PLAUR: variants seen among roughly 807,000 people sequenced by gnomAD.
PLAUR encodes urokinase plasminogen activator surface receptor.
PLAUR carries 22 observed loss-of-function variants against 33.4 expected under a neutral mutation model. That is an observed-to-expected ratio of 0.66 (90% CI 0.47 to 0.94). The LOEUF (loss-of-function observed/expected upper bound fraction) is 0.94. Ranked by LOEUF, PLAUR falls within the 40% of genes least tolerant of loss-of-function variation. The pLI is 0.00. For synonymous variants in PLAUR, 148 were observed against 167.3 expected (o/e 0.88, Z 0.89); for missense variants, 408 against 434.7 (o/e 0.94, Z 0.55).
chr19:43,667,768 A>C, intron 1 of PLAUR, 77 bp from the exon 2 acceptor site: 2 of 1,554,470 alleles, frequency 1.3e-6, no homozygotes. Flanking sequence ...TGCATGTCCC[A>C]ATACCAACAC....
At chr19:43,658,724 A>G (rs1233266317) in intron 3 of PLAUR, among the ~76,000 whole-genome samples, 1 of 152,158 alleles carries the variant, frequency 6.6e-6, no homozygotes. Flanking sequence ...TAAAAAAGTG[A>G]GAGGACCATG....
At position 43,648,879 on chromosome 19, in the gene PLAUR, G is replaced by T; in HGVS notation, c.*11C>A. 6.2e-7 allele frequency: 1 copy of T among 1,607,278 alleles called. No individual in the cohort carries two copies. The highest frequency in any genetic ancestry group is 1.1e-5 in the South Asian group (1 of 90,944). The stretch of plus-strand genomic sequence containing the variant: ...CCGGATCCAGCCAGGGCAGAGAGGG[G>T]GATTTCAGGTTTAGGTCCAGAGGAG... On this transcript the variant is annotated 3_prime_UTR_variant, in exon 7 of 7. Transcript: ENST00000340093.
At chr19:43,658,836 A>G (rs1568558671) in intron 3 of PLAUR, among the ~76,000 whole-genome samples, 1 of 152,164 alleles carries the variant, frequency 6.6e-6, no homozygotes, top group East Asian at 1.9e-4. Flanking sequence ...CTACAAGGCC[A>G]CCCACGTCTT....
At chr19:43,656,906 C>A in intron 3 of PLAUR, 1 of 313,610 alleles carries the variant, frequency 3.2e-6, no homozygotes, top group Non-Finnish European at 5.9e-6. Flanking sequence ...CACCCCAGTG[C>A]AGCATCTCCA....
At position 43,655,932 on chromosome 19, in the gene PLAUR, G is replaced by A. The variant is rs4251881; in HGVS notation, c.473-359C>T. ...TCTGGCAGCCATTTTAGACTATGAG[G>A]CATTTTGAGAATGGAAGTAATGTGT... On this transcript the variant is annotated intron_variant, in intron 4 of 6. Coordinates refer to ENST00000340093, the MANE Select transcript of PLAUR (RefSeq NM_002659.4). Among the ~76,000 whole-genome samples the A allele has an allele frequency of 9.4e-3, 1,432 of 152,138 alleles. 24 individuals carry two copies. The highest frequency in any genetic ancestry group is 0.033 in the African/African-American group (1,372 of 41,492).
intron 6 of PLAUR, chr19:43,651,721 C>T (rs966515077): frequency 1.2e-6 from 1 of 818,114 alleles, no homozygotes; most frequent in Non-Finnish European, 1.5e-6. Context: ...CAGGCGTGAG[C>T]CACCACACCT....
intron 6 of PLAUR, chr19:43,651,780 T>C (rs1974003913): frequency 2.0e-6 from 2 of 989,532 alleles, no homozygotes; most frequent in South Asian, 9.1e-5. Context: ...CCAAAAAGTT[T>C]GAGAACCACT....
At chr19:43,655,973 G>A (rs1600124117) in intron 4 of PLAUR, among the ~76,000 whole-genome samples, 2 of 152,152 alleles carry the variant, frequency 1.3e-5, no homozygotes, top group East Asian at 3.9e-4. Flanking sequence ...ACAAGAGGGT[G>A]GCCGGGCGTG....
At position 43,652,223 on chromosome 19, in the gene PLAUR, A is replaced by C. The variant is rs778902956; in HGVS notation, c.754+2T>G. 1.2e-6 allele frequency: 2 copies of C among 1,613,926 alleles called. No homozygotes were observed. Among genetic ancestry groups the C allele is most frequent in the Admixed American group, 3.3e-5 (2 of 59,988 alleles). On this transcript the variant is annotated splice_donor_variant, in intron 6 of 6. Coordinates refer to ENST00000340093, the MANE Select transcript of PLAUR (RefSeq NM_002659.4). LOFTEE classifies it high-confidence loss of function. ...CCCTCCCAGCCTCGGAGAGGGCCTC[A>C]CCGTGAGTGCCGGTGGCTACCAGAC...
chr19:43,666,158 G>A (rs1363782194), intron 2 of PLAUR, among the ~76,000 whole-genome samples: 1 of 152,094 alleles, frequency 6.6e-6, no homozygotes, highest in Non-Finnish European at 1.5e-5. Context: ...GAACTTCTGG[G>A]CTCAAGGAAT....
chr19:43,659,235 C>A (rs529241159), intron 3 of PLAUR, among the ~76,000 whole-genome samples: 1 of 144,510 alleles, frequency 6.9e-6, no homozygotes, highest in African/African-American at 2.6e-5. Flanking sequence ...TCACTGCCAC[C>A]TCGACCTCCC....
chr19:43,649,404 G>GA (rs1031005526), intron 6 of PLAUR, among the ~76,000 whole-genome samples: 3 of 151,750 alleles, frequency 2.0e-5, no homozygotes, highest in Non-Finnish European at 4.4e-5. Flanking sequence ...ACATAAAAAA[G>GA]AAAAAAACAG....
At chr19:43,661,499 C>T (rs1966994220) in intron 3 of PLAUR, 2 of 151,940 alleles carry the variant, frequency 1.3e-5, no homozygotes, top group Admixed American at 1.3e-4. Context: ...CGGGTTCAAG[C>T]AATTCTTGTG....
chr19:43,648,337 G>A (rs111457994), downstream of PLAUR, among the ~76,000 whole-genome samples: 46 of 152,204 alleles, frequency 3.0e-4, no homozygotes, highest in South Asian at 1.5e-3. Context: ...CACCACGTCC[G>A]GATTTAGCCG....
At position 43,667,571 on chromosome 19, in the gene PLAUR, G is replaced by A. The variant is rs1346189322; in HGVS notation, c.166+10C>T. ...CGCTGGAGGGGTGTGTGGGTTGGGG[G>A]GAAGCTCACCTTCCCACAAGCGCAC... is the stretch of plus-strand genomic sequence containing the variant. On this transcript the variant is annotated intron_variant, in intron 2 of 6. Transcript: ENST00000340093. 2.5e-6 allele frequency: 4 copies of A among 1,594,942 alleles called. No homozygotes were observed. In the East Asian group the frequency reaches 6.7e-5, roughly 27 times the overall value.
At position 43,648,618 on chromosome 19, in the gene PLAUR, A is replaced by G; in HGVS notation, c.*272T>C. The stretch of plus-strand genomic sequence containing the variant: ...ATCTTTATGTAAGTATAAAATAAAT[A>G]ATATGAATATTAATTAATAACAACA... On this transcript the variant is annotated 3_prime_UTR_variant, in exon 7 of 7. Coordinates refer to ENST00000340093, the MANE Select transcript of PLAUR (RefSeq NM_002659.4). 1.2e-6 allele frequency: 1 copy of G among 852,018 alleles called. No individual in the cohort carries two copies. Among genetic ancestry groups the G allele is most frequent in the South Asian group, 4.7e-5 (1 of 21,290 alleles). The allele number at this position is 852,018 out of a possible 1,614,324, so 52.8% of individuals were successfully genotyped here.
intron 5 of PLAUR, among the ~76,000 whole-genome samples, chr19:43,654,745 C>G (rs934976627): frequency 6.6e-6 from 1 of 151,798 alleles, no homozygotes; most frequent in Non-Finnish European, 1.5e-5. Context: ...CCCATACCCC[C>G]CAAAAAATCA....
chr19:43,668,476 C>G (rs567882812), intron 1 of PLAUR, among the ~76,000 whole-genome samples: 1 of 149,400 alleles, frequency 6.7e-6, no homozygotes, highest in South Asian at 2.1e-4. Flanking sequence ...CTAGCTCCTC[C>G]TTGAGATTCT....
intron 6 of PLAUR, among the ~76,000 whole-genome samples, chr19:43,650,964 G>A (rs955774402): frequency 1.3e-5 from 2 of 151,422 alleles, no homozygotes; most frequent in Non-Finnish European, 2.9e-5. Context: ...ACCCAGGAGG[G>A]GGAGGTTGCA....
Sources: allele counts gnomAD v4.1 joint callset (sites outside exome capture counted in the v4.1 genomes callset), GRCh38; gene constraint gnomAD v4.1.1; transcripts MANE v1.5; gene names NCBI Gene and HGNC (gene_info 2026-07-23, HGNC 2026-07-21).